Variants in MEP1B observed in about 807,000 individuals in gnomAD.
The protein encoded by MEP1B is meprin A subunit beta.
A neutral mutation model predicts 84.6 loss-of-function variants in MEP1B; 80 were observed. That is an observed-to-expected ratio of 0.95 (90% confidence interval 0.79 to 1.14). MEP1B has a LOEUF of 1.14. MEP1B is among the 50% of genes most tolerant of loss of function. The pLI is 0.00. For synonymous variants in MEP1B, 273 were observed against 288.1 expected, an observed-to-expected ratio of 0.95 and a Z score of 0.53; for missense variants, 766 against 855.1, an observed-to-expected ratio of 0.90 and a Z score of 1.30.
rs112703073 is a variant in MEP1B, at chr18:32,217,827, C to G, written c.1953C>G (p.Asp651Glu). 3.0e-5 allele frequency: 49 copies of G among 1,613,920 alleles called. No homozygotes were observed. In the African/African-American group the frequency reaches 6.3e-4, roughly 21 times the overall value. The change falls in exon 14 of 15, where the codon GAC (aspartate) becomes GAG (glutamate). Residue 651 changes from aspartate (D) to glutamate (E), a missense_variant. Asp to Glu is a conservative substitution (Grantham distance 45). Coordinates refer to ENST00000269202, the MANE Select transcript of MEP1B (RefSeq NM_005925.3). ...GTGAAAAGAGAGGCTCCACCCGAGA[C>G]ACCATAGTCATTGCTGTTTCATCTA... ...ERCEKRGSTRDTIVIAVSSTV... is the reference protein window; with the variant it reads ...ERCEKRGSTRETIVIAVSSTV...
intron 12 of MEP1B, among the ~76,000 whole-genome samples, chr18:32,216,670 A>C (rs1223561677): frequency 6.6e-6 from 1 of 152,122 alleles, no homozygotes; most frequent in Non-Finnish European, 1.5e-5. Context: ...GCTGCCTATG[A>C]ATGTTGCTAG....
intron 5 of MEP1B, among the ~76,000 whole-genome samples, chr18:32,201,103 T>A (rs766723990): frequency 4.6e-5 from 7 of 152,192 alleles, no homozygotes; most frequent in Non-Finnish European, 1.0e-4. Context: ...ACTTTATTTA[T>A]TAATTCAAGA....
intron 5 of MEP1B, among the ~76,000 whole-genome samples, chr18:32,200,351 GTA>G (rs1484683286): frequency 1.3e-5 from 2 of 151,672 alleles, no homozygotes; most frequent in Non-Finnish European, 2.9e-5. Flanking sequence ...TTTTCATATT[GTA>G]TAGTCTTTAT....
intron 9 of MEP1B, among the ~76,000 whole-genome samples, chr18:32,210,141 T>A (rs2041009906): frequency 6.6e-6 from 1 of 152,234 alleles, no homozygotes; most frequent in South Asian, 2.1e-4. Flanking sequence ...GCCCTGCTGT[T>A]TGGGCTTGAC....
rs376833189 is a variant in MEP1B, at chr18:32,204,310, G to A, written c.497G>A (p.Arg166His). Residue 166 changes from arginine (R) to histidine (H), a missense_variant, in exon 7 of 15, where the codon CGT (arginine) becomes CAT (histidine). Transcript: ENST00000269202. ...HALGFWHEQS[R>H]SDRDDYVRIM... Reference sequence around the variant, plus strand: ...CTGGGATTCTGGCATGAGCAGTCGCGTTCTGACCGGGATGACTATGTCAGG... The same window carrying A: ...CTGGGATTCTGGCATGAGCAGTCGCATTCTGACCGGGATGACTATGTCAGG... The A allele has an allele frequency of 3.7e-5, 60 of 1,602,878 alleles. 1 individual carries two copies. The South Asian group carries it at 4.0e-4, about 11-fold the overall frequency.
At position 32,220,288 on chromosome 18, in the gene MEP1B, A is replaced by T; in HGVS notation, c.*43A>T. 1 of 1,585,092 alleles carries T rather than the reference A, an allele frequency of 6.3e-7. No individual in the cohort carries two copies. The highest frequency in any genetic ancestry group is 1.1e-5 in the South Asian group (1 of 88,006). On this transcript the variant is annotated 3_prime_UTR_variant, in exon 15 of 15. Transcript: ENST00000269202. ...TGGCCAGCTAATGAAATTAAAAAGG[A>T]TTCTTCATCATGGATTTCGCCTAAG...
intron 14 of MEP1B, 122 bp from the exon 15 acceptor site, chr18:32,220,108 AG>A: frequency 1.2e-6 from 1 of 845,024 alleles, no homozygotes. Flanking sequence ...GCCAGCTAGG[AG>A]GGAGGCCAGG....
intron 4 of MEP1B, among the ~76,000 whole-genome samples, chr18:32,193,849 G>A (rs932356667): frequency 9.2e-5 from 14 of 152,146 alleles, no homozygotes; most frequent in East Asian, 3.9e-4. Context: ...TCTCACCTTC[G>A]TCCAGGGATT....
chr18:32,194,399 T>A (rs2144377435), intron 4 of MEP1B, among the ~76,000 whole-genome samples: 1 of 152,274 alleles, frequency 6.6e-6, no homozygotes, highest in African/African-American at 2.4e-5. Flanking sequence ...GGCTTGAAAC[T>A]CTTCCATAGT....
At chr18:32,199,786 C>G (rs2040893549) in intron 5 of MEP1B, among the ~76,000 whole-genome samples, 1 of 151,746 alleles carries the variant, frequency 6.6e-6, no homozygotes, top group Non-Finnish European at 1.5e-5. Context: ...ATGATCCTCC[C>G]ACCTCAGCCT....
Position 32,217,825 on chromosome 18 carries a change from G to A in MEP1B, c.1951G>A (p.Asp651Asn), listed in dbSNP as rs1020999620. The A allele has an allele frequency of 2.5e-6, 4 of 1,613,946 alleles. No individual in the cohort carries two copies. The highest frequency in any genetic ancestry group is 1.7e-5 in the Admixed American group (1 of 60,016). ...ERCEKRGSTR[D>N]TIVIAVSSTV... ...GTGTGAAAAGAGAGGCTCCACCCGAGACACCATAGTCATTGCTGTTTCATC... is the reference window on the plus strand; with the variant it reads ...GTGTGAAAAGAGAGGCTCCACCCGAAACACCATAGTCATTGCTGTTTCATC... The change falls in exon 14 of 15, where the codon GAC becomes AAC. Residue 651 changes from aspartate to asparagine, a missense_variant. By Grantham distance (23) the Asp-to-Asn change is conservative. Coordinates refer to ENST00000269202, the MANE Select transcript of MEP1B (RefSeq NM_005925.3).
intron 8 of MEP1B, among the ~76,000 whole-genome samples, 169 bp from the exon 9 acceptor site, chr18:32,207,950 G>A (rs1023474479): frequency 6.6e-6 from 1 of 152,134 alleles, no homozygotes; most frequent in East Asian, 1.9e-4. Flanking sequence ...TACCTTCTTT[G>A]TAGGGGTTCT....
intron 4 of MEP1B, among the ~76,000 whole-genome samples, chr18:32,194,023 TC>T (rs1381610699): frequency 6.6e-6 from 1 of 151,956 alleles, no homozygotes; most frequent in Non-Finnish European, 1.5e-5. Flanking sequence ...ACTCTGACCT[TC>T]CCCCCAAACT....
chr18:32,205,763 A>G (rs1478915306), intron 7 of MEP1B, among the ~76,000 whole-genome samples: 1 of 152,042 alleles, frequency 6.6e-6, no homozygotes, highest in East Asian at 1.9e-4. Flanking sequence ...AAATATATTC[A>G]TTTTTGTTTT....
At chr18:32,219,810 G>GCACACA (rs34525566) in intron 14 of MEP1B, among the ~76,000 whole-genome samples, 376 of 149,282 alleles carry the variant, frequency 2.5e-3, no homozygotes, top group African/African-American at 7.2e-3. Context: ...AAACACACAT[G>GCACACA]CACACACACA....
intron 12 of MEP1B, 34 bp downstream of exon 12, chr18:32,215,295 T>A (rs1014783160): frequency 7.6e-7 from 1 of 1,315,046 alleles, no homozygotes; most frequent in Non-Finnish European, 1.0e-6. Context: ...TATAAACTAG[T>A]TTTTTTTTGT....
chr18:32,202,818 T>C lies in MEP1B; in HGVS notation c.251-75T>C, dbSNP rs187266351. 36 of 852,192 alleles carry C rather than the reference T, an allele frequency of 4.2e-5. No homozygotes were observed. The African/African-American group carries it at 5.9e-4, about 14-fold the overall frequency. 52.8% of individuals were successfully genotyped at this position (852,192 alleles called of 1,614,324 possible). A position where few individuals can be genotyped will look rare whatever the true frequency, so the allele number is the denominator to read the frequency against. Reference sequence around the variant, plus strand: ...ACTCATGATAAGCAATATATTGCAGTGGCCTGCTTCCATGGAAGATTTTTC... The same window carrying C: ...ACTCATGATAAGCAATATATTGCAGCGGCCTGCTTCCATGGAAGATTTTTC... On this transcript the variant is annotated intron_variant, in intron 5 of 14. Coordinates refer to ENST00000269202, the MANE Select transcript of MEP1B (RefSeq NM_005925.3).
chr18:32,216,443 A>C (rs9961328), intron 12 of MEP1B, among the ~76,000 whole-genome samples: 4,810 of 152,332 alleles, frequency 0.032, 231 homozygotes, highest in African/African-American at 0.11. Context: ...GTCTTGCTCC[A>C]AATCTCCACC....
chr18:32,214,407 A>G (rs2041062021), intron 11 of MEP1B, among the ~76,000 whole-genome samples: 2 of 152,342 alleles, frequency 1.3e-5, no homozygotes, highest in South Asian at 2.1e-4. Context: ...CATGGACCAA[A>G]TCGACATAGA....
Sources: allele counts gnomAD v4.1 joint callset (sites outside exome capture counted in the v4.1 genomes callset), GRCh38; gene constraint gnomAD v4.1.1; transcripts MANE v1.5; gene names NCBI Gene and HGNC (gene_info 2026-07-23, HGNC 2026-07-21).